The following NKAIN2 variants were observed in gnomAD, a reference collection of about 807,000 sequenced individuals.
NKAIN2 encodes the protein sodium/potassium transporting ATPase interacting 2.
Under a neutral mutation model 32.6 loss-of-function variants are expected in NKAIN2, and 14 were observed. That is an observed-to-expected ratio of 0.43 (90% CI 0.28 to 0.67). The LOEUF (loss-of-function observed/expected upper bound fraction) is 0.67. Ranked by LOEUF, NKAIN2 falls within the 30% of genes least tolerant of loss-of-function variation. The pLI is 0.17. For missense variants in NKAIN2, 198 were observed against 258.3 expected, an observed-to-expected ratio of 0.77 and a Z score of 1.60; for synonymous variants, 80 against 87.2, an observed-to-expected ratio of 0.92 and a Z score of 0.46.
chr6:124,126,176 C>T (rs1786153038), intron 1 of NKAIN2, among the ~76,000 whole-genome samples: 1 of 152,080 alleles, frequency 6.6e-6, no homozygotes, highest in African/African-American at 2.4e-5. Context: ...CTAATTTCCA[C>T]CCACAATACT....
In NKAIN2 at chr6:124,671,141, G is replaced by A. The variant is rs563052866; in HGVS notation, c.474+12755G>A. On this transcript the variant is annotated intron_variant, in intron 4 of 6. Transcript: ENST00000368417. ...TTTAACACGAAGCCTTAAGGTTTGA[G>A]AAGAGAGGGAGGAGAAGGTTCTATG... is the stretch of plus-strand genomic sequence containing the variant. Among the ~76,000 whole-genome samples, 6 of 152,178 alleles carry A rather than the reference G, an allele frequency of 3.9e-5. No individual in the cohort carries two copies. In the East Asian group the frequency reaches 9.7e-4, roughly 25 times the overall value.
intron 1 of NKAIN2, among the ~76,000 whole-genome samples, chr6:124,207,671 A>AT (rs1408242206): frequency 3.3e-5 from 5 of 151,828 alleles, no homozygotes; most frequent in Admixed American, 2.6e-4. Flanking sequence ...AAAAATACTG[A>AT]TTTTTTGTTC....
chr6:123,872,992 T>A (rs1478856320), intron 1 of NKAIN2, among the ~76,000 whole-genome samples: 1 of 152,212 alleles, frequency 6.6e-6, no homozygotes, highest in African/African-American at 2.4e-5. Flanking sequence ...GACTTACTTG[T>A]GCTAGGCACT....
intron 3 of NKAIN2, among the ~76,000 whole-genome samples, chr6:124,516,566 A>G (rs928827793): frequency 5.3e-5 from 8 of 152,066 alleles, no homozygotes; most frequent in Non-Finnish European, 7.4e-5. Flanking sequence ...GATTATTGTT[A>G]TGTTATTAGG....
At chr6:124,531,240 T>C (rs1267685309) in intron 3 of NKAIN2, among the ~76,000 whole-genome samples, 1 of 152,212 alleles carries the variant, frequency 6.6e-6, no homozygotes, top group Non-Finnish European at 1.5e-5. Context: ...CAGTCTGTAG[T>C]ATTTTGTTAT....
intron 3 of NKAIN2, among the ~76,000 whole-genome samples, chr6:124,631,246 G>A (rs1165094471): frequency 6.6e-6 from 1 of 152,160 alleles, no homozygotes; most frequent in Non-Finnish European, 1.5e-5. Flanking sequence ...GCATAGTGCA[G>A]TATTTAAGAG....
chr6:124,520,342 A>G (rs533502762), intron 3 of NKAIN2, among the ~76,000 whole-genome samples: 65 of 152,274 alleles, frequency 4.3e-4, no homozygotes, highest in South Asian at 1.0e-3. Context: ...GTTATATGTA[A>G]TGAAAGATAA....
chr6:124,351,240 A>G (rs1361015971), intron 2 of NKAIN2, among the ~76,000 whole-genome samples: 1 of 152,122 alleles, frequency 6.6e-6, no homozygotes, highest in African/African-American at 2.4e-5. Context: ...ATATGATGGA[A>G]CAATGTTTTA....
chr6:123,832,038 G>C (rs1479172936), intron 1 of NKAIN2, among the ~76,000 whole-genome samples: 2 of 152,102 alleles, frequency 1.3e-5, no homozygotes, highest in African/African-American at 4.8e-5. Flanking sequence ...ATATTCTGTG[G>C]ATTTGGACAA....
At chr6:124,185,934 G>T (rs576792502) in intron 1 of NKAIN2, among the ~76,000 whole-genome samples, 1 of 151,962 alleles carries the variant, frequency 6.6e-6, no homozygotes, top group Non-Finnish European at 1.5e-5. Context: ...ACAAAATAAA[G>T]CTTAGTATAT....
chr6:124,335,677 A>T (rs1253056445), intron 2 of NKAIN2, among the ~76,000 whole-genome samples: 2 of 152,114 alleles, frequency 1.3e-5, no homozygotes, highest in East Asian at 3.8e-4. Context: ...AATATTATTA[A>T]CTTTCTATTT....
In NKAIN2 at chr6:124,038,411, C is replaced by T. The variant is rs1243090823; in HGVS notation, c.54+234157C>T. On this transcript the variant is annotated intron_variant, in intron 1 of 6. Transcript: ENST00000368417. Reference sequence around the variant, plus strand: ...TGTATTTTTAGTAGAGACAGGGTTTCACCATGTTGGTCAGGCTGGTCTTGA... The same window carrying T: ...TGTATTTTTAGTAGAGACAGGGTTTTACCATGTTGGTCAGGCTGGTCTTGA... 3.3e-5 allele frequency among the ~76,000 whole-genome samples: 5 copies of T among 152,056 alleles called. No homozygotes were observed. The East Asian group carries it at 7.8e-4, about 24-fold the overall frequency.
chr6:124,787,539 A>T (rs986283488), intron 4 of NKAIN2, among the ~76,000 whole-genome samples: 7 of 152,074 alleles, frequency 4.6e-5, no homozygotes, highest in Non-Finnish European at 1.5e-5. Context: ...CAGACTGGGA[A>T]AATGAGTTAA....
chr6:124,231,605 A>G (rs79351277), intron 1 of NKAIN2, among the ~76,000 whole-genome samples: 3,832 of 152,140 alleles, frequency 0.025, 150 homozygotes, highest in African/African-American at 0.088. Flanking sequence ...GTGATAGTGA[A>G]TAAGTCTTAC....
At chr6:123,999,515 A>C (rs907415231) in intron 1 of NKAIN2, among the ~76,000 whole-genome samples, 1 of 152,184 alleles carries the variant, frequency 6.6e-6, no homozygotes, top group African/African-American at 2.4e-5. Flanking sequence ...CTCATCAGTT[A>C]AAATATGCAT....
intron 1 of NKAIN2, among the ~76,000 whole-genome samples, chr6:124,187,739 G>A (rs802289): frequency 0.79 from 120,719 of 152,004 alleles, 48,146 homozygotes; most frequent in Non-Finnish European, 0.85. Context: ...TTATGTCCAC[G>A]CAACTCTCTA....
intron 1 of NKAIN2, among the ~76,000 whole-genome samples, chr6:123,870,165 T>G (rs12196863): frequency 0.21 from 32,545 of 151,974 alleles, 4,291 homozygotes; most frequent in East Asian, 0.48. Context: ...TTGCTCTTAT[T>G]GAGTTTACAT....
intron 1 of NKAIN2, among the ~76,000 whole-genome samples, chr6:123,821,019 A>T (rs1194658039): frequency 6.6e-6 from 1 of 152,236 alleles, no homozygotes; most frequent in East Asian, 1.9e-4. Context: ...TTGGCCTCAG[A>T]AACAAAGCAG....
chr6:124,672,146 C>T (rs1397828574), intron 4 of NKAIN2, among the ~76,000 whole-genome samples: 1 of 151,872 alleles, frequency 6.6e-6, no homozygotes, highest in Non-Finnish European at 1.5e-5. Flanking sequence ...TCAGATATTG[C>T]TCTAGGACTC....
Sources: allele counts gnomAD v4.1 joint callset (sites outside exome capture counted in the v4.1 genomes callset), GRCh38; gene constraint gnomAD v4.1.1; transcripts MANE v1.5; gene names NCBI Gene and HGNC (gene_info 2026-07-23, HGNC 2026-07-21).